Variants in C1orf232 observed in about 807,000 individuals in gnomAD.
C1orf232 encodes uncharacterized protein C1orf232.
A neutral mutation model predicts 12.1 loss-of-function variants in C1orf232; 10 were observed. That is an observed-to-expected ratio of 0.82 (90% CI 0.51 to 1.40). The LOEUF (loss-of-function observed/expected upper bound fraction) is 1.40. Among genes scored for constraint, C1orf232 ranks in the 40% most tolerant of loss-of-function variants. The pLI, the probability that C1orf232 is intolerant of heterozygous loss-of-function variation, is 0.00. For synonymous variants in C1orf232, 36 were observed against 39.8 expected, an observed-to-expected ratio of 0.90 and a Z score of 0.36; for missense variants, 88 against 98.4, an observed-to-expected ratio of 0.89 and a Z score of 0.45.
At chr1:26,168,143 C>T (rs113725612) in intron 1 of C1orf232, among the ~76,000 whole-genome samples, 1,567 of 152,276 alleles carry the variant, frequency 0.01, 27 homozygotes, top group African/African-American at 0.035. Flanking sequence ...GCCTACTGCC[C>T]ACTGGTCCTA....
intron 1 of C1orf232, among the ~76,000 whole-genome samples, chr1:26,166,537 G>A (rs1235722547): frequency 8.2e-5 from 8 of 97,546 alleles, no homozygotes; most frequent in Admixed American, 6.7e-4. Context: ...GGCTGGTCTC[G>A]AACTCCTGGC....
Position 26,165,939 on chromosome 1 carries a change from G to C in C1orf232, c.169-16C>G. 1.6e-6 allele frequency: 2 copies of C among 1,231,718 alleles called. No individual in the cohort carries two copies. Among genetic ancestry groups the C allele is most frequent in the Non-Finnish European group, 2.0e-6 (2 of 987,978 alleles). 76.3% of individuals were successfully genotyped at this position (1,231,718 alleles called of 1,614,324 possible). On this transcript the variant is annotated splice_polypyrimidine_tract_variant and intron_variant, in intron 2 of 3. Coordinates refer to ENST00000634842, the MANE Select transcript of C1orf232 (RefSeq NM_001364669.2). ...CCCCCTGAACCTGGGAAAGGGGTTG[G>C]GAGTCAGGGAGGGGGTCCAGCACAA...
rs747087023 is a variant in C1orf232, at chr1:26,168,769, G to T, written c.-270C>A. Among the ~76,000 whole-genome samples, 9 of 152,236 alleles carry T rather than the reference G, an allele frequency of 5.9e-5. No homozygotes were observed. Among genetic ancestry groups the T allele is most frequent in the Non-Finnish European group, 8.8e-5 (6 of 68,040 alleles). ...TTGGCCAAGAATAATGAAGTCATTT[G>T]TCTCTAGAGAGGCTTTCTTCCTGGG... On this transcript the variant is annotated 5_prime_UTR_variant, in exon 1 of 4. Coordinates refer to ENST00000634842, the MANE Select transcript of C1orf232 (RefSeq NM_001364669.2).
rs1263090543 is a variant in C1orf232, at chr1:26,168,766, T to C, written c.-267A>G. Among the ~76,000 whole-genome samples, 1 of 152,198 alleles carries C rather than the reference T, an allele frequency of 6.6e-6. No homozygotes were observed. Among genetic ancestry groups the C allele is most frequent in the Non-Finnish European group, 1.5e-5 (1 of 68,030 alleles). On this transcript the variant is annotated 5_prime_UTR_variant, in exon 1 of 4. An upstream start codon of the reference 5' UTR is lost. Coordinates refer to ENST00000634842, the MANE Select transcript of C1orf232 (RefSeq NM_001364669.2). ...ATATTGGCCAAGAATAATGAAGTCA[T>C]TTGTCTCTAGAGAGGCTTTCTTCCT...
chr1:26,165,752 C>A, intron 3 of C1orf232, 74 bp downstream of exon 3: 1 of 1,231,746 alleles, frequency 8.1e-7, no homozygotes, highest in South Asian at 4.1e-5. Context: ...GACAAACAAA[C>A]CAGAAGGAAA....
intron 1 of C1orf232, among the ~76,000 whole-genome samples, chr1:26,168,134 C>T (rs1393447031): frequency 6.6e-6 from 1 of 152,168 alleles, no homozygotes; most frequent in African/African-American, 2.4e-5. Context: ...TGCCCGTGTG[C>T]CTACTGCCCA....
In C1orf232 at chr1:26,164,189, C is replaced by G. The variant is rs548257030; in HGVS notation, c.533G>C (p.Arg178Thr). ...GTCACCCTTGGGCGCAGCCTTCACC[C>G]TCATCTCGGCCAGTTTGTGAGTGAG... Reference protein sequence around the residue: ...GFLTHKLAEMRVKAAPKGD With the variant: ...GFLTHKLAEMTVKAAPKGD The change falls in exon 4 of 4, where the codon AGG becomes ACG. Residue 178 changes from arginine (R) to threonine (T), a missense_variant. By Grantham distance (71) the Arg-to-Thr change is moderately conservative. Transcript: ENST00000634842. The surrounding 1 kb of genome is among the most constrained non-coding windows in gnomAD (Gnocchi z 4.2). The G allele has an allele frequency of 5.0e-6, 2 of 398,524 alleles. No homozygotes were observed. Among genetic ancestry groups the G allele is most frequent in the Non-Finnish European group, 8.9e-6 (2 of 225,964 alleles). 24.7% of individuals were successfully genotyped at this position (398,524 alleles called of 1,614,324 possible). A position where few individuals can be genotyped will look rare whatever the true frequency, so the allele number is the denominator to read the frequency against.
chr1:26,166,067 T>A lies in C1orf232; in HGVS notation c.136A>T (p.Thr46Ser). ...GCCAGCTGTGACATGGGATTGAAGG[T>A]CTCCTCGGTCGGTTCTGCTGTCTCA... ...GSETAEPTEE[T>S]FNPMSQLARR... The change falls in exon 2 of 4, where the codon ACC becomes TCC. Residue 46 changes from threonine to serine, a missense_variant. Thr to Ser is a moderately conservative substitution (Grantham distance 58, BLOSUM62 1). Transcript: ENST00000634842. The A allele has an allele frequency of 8.1e-7, 1 of 1,231,450 alleles. No individual in the cohort carries two copies. 76.3% of individuals were successfully genotyped at this position (1,231,450 alleles called of 1,614,324 possible).
Position 26,164,211 on chromosome 1 carries a change from TGAGG to T in C1orf232, c.507_510del (p.Phe169LeufsTer8), listed in dbSNP as rs1557611327. 4 of 398,270 alleles carry T rather than the reference TGAGG, an allele frequency of 1.0e-5. No individual in the cohort carries two copies. The highest frequency in any genetic ancestry group is 1.8e-5 in the Non-Finnish European group (4 of 225,942). 24.7% of individuals were successfully genotyped at this position (398,270 alleles called of 1,614,324 possible). A position where few individuals can be genotyped will look rare whatever the true frequency, so the allele number is the denominator to read the frequency against. On this transcript the variant is annotated frameshift_variant, in exon 4 of 4. Transcript: ENST00000634842. LOFTEE classifies it high-confidence loss of function. This position sits in a 1 kb window ranked among gnomAD's most constrained non-coding sequence, Gnocchi z 4.2. Reference sequence around the variant, plus strand: ...ACCCTCATCTCGGCCAGTTTGTGAGTGAGGAAGCCCCACTTGAAGCCGGCCACCG... The same window carrying T: ...ACCCTCATCTCGGCCAGTTTGTGAGTAAGCCCCACTTGAAGCCGGCCACCG...
In C1orf232 at chr1:26,164,516, G is replaced by A. The variant is rs1415440101; in HGVS notation, c.267-61C>T. The A allele has an allele frequency of 8.1e-6, 3 of 370,456 alleles. No homozygotes were observed. Among genetic ancestry groups the A allele is most frequent in the Non-Finnish European group, 1.4e-5 (3 of 207,974 alleles). 22.9% of individuals were successfully genotyped at this position (370,456 alleles called of 1,614,324 possible). A position where few individuals can be genotyped will look rare whatever the true frequency, so the allele number is the denominator to read the frequency against. On this transcript the variant is annotated intron_variant, in intron 3 of 3. Transcript: ENST00000634842. This position sits in a 1 kb window ranked among gnomAD's most constrained non-coding sequence, Gnocchi z 4.2. ...GCGGTCCCGCGGAGGAACATCGGCTGGGCTGACGGAGGAGTTTAGTGGGGC... is the reference window on the plus strand; with the variant it reads ...GCGGTCCCGCGGAGGAACATCGGCTAGGCTGACGGAGGAGTTTAGTGGGGC...
Position 26,165,745 on chromosome 1 carries a change from A to C in C1orf232, c.266+81T>G, listed in dbSNP as rs571796160. On this transcript the variant is annotated intron_variant, in intron 3 of 3. Coordinates refer to ENST00000634842, the MANE Select transcript of C1orf232 (RefSeq NM_001364669.2). ...CCCAGCCCTCAGTGGTTAGAAAGAC[A>C]AACAAACCAGAAGGAAAGGACCAGG... is the stretch of plus-strand genomic sequence containing the variant. 4 of 1,231,666 alleles carry C rather than the reference A, an allele frequency of 3.2e-6. No individual in the cohort carries two copies. The East Asian group carries it at 9.5e-5, about 29-fold the overall frequency. The allele number at this position is 1,231,666 out of a possible 1,614,324, so 76.3% of individuals were successfully genotyped here. A position where few individuals can be genotyped will look rare whatever the true frequency, so the allele number is the denominator to read the frequency against.
At chr1:26,166,220 C>G in intron 1 of C1orf232, 102 bp from the exon 2 acceptor site, 1 of 784,962 alleles carries the variant, frequency 1.3e-6, no homozygotes, top group East Asian at 3.4e-5. Context: ...CACCCCAAAT[C>G]CCACAGAACT....
At chr1:26,167,855 C>T (rs1159053648) in intron 1 of C1orf232, among the ~76,000 whole-genome samples, 2 of 152,212 alleles carry the variant, frequency 1.3e-5, no homozygotes, top group African/African-American at 4.8e-5. Flanking sequence ...AACTCCTGAG[C>T]TCAGGCAATC....
Position 26,164,159 on chromosome 1 carries a change from TG to T in C1orf232, c.*1del. 1 of 398,438 alleles carries T rather than the reference TG, an allele frequency of 2.5e-6. No homozygotes were observed. The highest frequency in any genetic ancestry group is 4.4e-6 in the Non-Finnish European group (1 of 225,946). 24.7% of individuals were successfully genotyped at this position (398,438 alleles called of 1,614,324 possible). A position where few individuals can be genotyped will look rare whatever the true frequency, so the allele number is the denominator to read the frequency against. On this transcript the variant is annotated 3_prime_UTR_variant, in exon 4 of 4. Coordinates refer to ENST00000634842, the MANE Select transcript of C1orf232 (RefSeq NM_001364669.2). The surrounding 1 kb of genome is among the most constrained non-coding windows in gnomAD (Gnocchi z 4.2). ...CAGCGGGCGCGGGGTTCTGCCAGCC[TG>T]CTAGTCACCCTTGGGCGCAGCCTTC...
chr1:26,166,074 G>A lies in C1orf232; in HGVS notation c.129C>T (p.Thr43=), dbSNP rs1012690150. ...ALVGSETAEP[T]EETFNPMSQL... ...GTGACATGGGATTGAAGGTCTCCTC[G>A]GTCGGTTCTGCTGTCTCAGACCCCA... The change falls in exon 2 of 4, where the codon ACC becomes ACT. Residue 43 remains threonine (T), a synonymous_variant. Transcript: ENST00000634842. 27 of 1,231,484 alleles carry A rather than the reference G, an allele frequency of 2.2e-5. No homozygotes were observed. The highest frequency in any genetic ancestry group is 6.2e-5 in the African/African-American group (4 of 64,344). The allele number at this position is 1,231,484 out of a possible 1,614,324, so 76.3% of individuals were successfully genotyped here.
At chr1:26,166,197 C>T in intron 1 of C1orf232, 79 bp from the exon 2 acceptor site, 1 of 1,065,056 alleles carries the variant, frequency 9.4e-7, no homozygotes, top group Non-Finnish European at 1.2e-6. Context: ...TAGCCTAGTA[C>T]ACACAGACCA....
At position 26,164,843 on chromosome 1, in the gene C1orf232, CG is replaced by C. The variant is rs2088408317; in HGVS notation, c.267-389del. ...GGATCCCTGGGAAAGCAGGTGGGAG[CG>C]GGAGGGCTGTTCAGATCCCCCCTGA... On this transcript the variant is annotated intron_variant, in intron 3 of 3. Coordinates refer to ENST00000634842, the MANE Select transcript of C1orf232 (RefSeq NM_001364669.2). The surrounding 1 kb of genome is among the most constrained non-coding windows in gnomAD (Gnocchi z 4.2). 2.0e-5 allele frequency among the ~76,000 whole-genome samples: 3 copies of C among 151,758 alleles called. No individual in the cohort carries two copies. Among genetic ancestry groups the C allele is most frequent in the Non-Finnish European group, 4.4e-5 (3 of 67,924 alleles).
At chr1:26,167,913 C>T (rs1267736052) in intron 1 of C1orf232, among the ~76,000 whole-genome samples, 3 of 152,202 alleles carry the variant, frequency 2.0e-5, no homozygotes, top group East Asian at 1.9e-4. Flanking sequence ...CATGAGCCAC[C>T]GTGCCCGGCC....
At chr1:26,165,252 G>A (rs1316006929) in intron 3 of C1orf232, among the ~76,000 whole-genome samples, 4 of 152,162 alleles carry the variant, frequency 2.6e-5, no homozygotes, top group Middle Eastern at 6.8e-3. Context: ...ATGTGCCAGA[G>A]ATAGAGCCAG....
Sources: gnomAD v4.1 joint callset for allele counts (sites outside exome capture counted in the v4.1 genomes callset) on GRCh38, gnomAD v4.1.1 for gene constraint, Gnocchi (gnomAD v3.1) non-coding constraint, MANE v1.5 for transcripts, NCBI Gene and HGNC (gene_info 2026-07-23, HGNC 2026-07-21) for gene names.